The following ASTN2 variants were observed in gnomAD, a reference collection of about 807,000 sequenced individuals.
ASTN2 encodes the protein astrotactin 2.
Under a neutral mutation model 139.8 loss-of-function variants are expected in ASTN2, and 54 were observed. The observed-to-expected ratio is 0.39, with a 90% confidence interval of 0.31 to 0.48. The LOEUF is 0.48. Among genes scored for constraint, ASTN2 ranks in the 20% least tolerant of loss-of-function variants. The pLI, the probability that ASTN2 is intolerant of heterozygous loss-of-function variation, is 0.95. For missense variants in ASTN2, 1,565 were observed against 1,725.1 expected, an observed-to-expected ratio of 0.91 and a Z score of 1.64; for synonymous variants, 756 against 719.5, an observed-to-expected ratio of 1.05 and a Z score of -0.81.
intron 19 of ASTN2, chr9:116,568,908 C>G (rs537436790): frequency 6.6e-6 from 1 of 152,070 alleles, no homozygotes; most frequent in East Asian, 1.9e-4. Flanking sequence ...TCCAGTATTA[C>G]AAAAATATCC....
chr9:116,882,178 G>T (rs916619873), intron 10 of ASTN2, among the ~76,000 whole-genome samples: 4 of 152,124 alleles, frequency 2.6e-5, no homozygotes, highest in African/African-American at 9.7e-5. Flanking sequence ...ATACGAGTAA[G>T]CCATAGCTTC....
At chr9:116,567,047 T>C (rs1369605916) in intron 19 of ASTN2, among the ~76,000 whole-genome samples, 2 of 152,192 alleles carry the variant, frequency 1.3e-5, no homozygotes, top group African/African-American at 4.8e-5. Flanking sequence ...AATGTACATA[T>C]GAAGGAACCA....
At chr9:117,379,091 T>C (rs185308614) in intron 1 of ASTN2, among the ~76,000 whole-genome samples, 89 of 152,288 alleles carry the variant, frequency 5.8e-4, no homozygotes, top group African/African-American at 1.9e-3. Context: ...CTATATTTCC[T>C]GTAAAGCATG....
chr9:117,327,284 A>G (rs1385518316), intron 1 of ASTN2, among the ~76,000 whole-genome samples: 1 of 152,092 alleles, frequency 6.6e-6, no homozygotes, highest in Non-Finnish European at 1.5e-5. Flanking sequence ...GGGACTCCCA[A>G]CACCGACAAT....
intron 5 of ASTN2, among the ~76,000 whole-genome samples, chr9:117,083,930 T>G (rs1382710483): frequency 2.0e-5 from 3 of 151,876 alleles, no homozygotes; most frequent in African/African-American, 7.3e-5. Flanking sequence ...GGAGGGAGTT[T>G]TTATAGTTAG....
In ASTN2 at chr9:116,966,189, T is replaced by C. The variant is rs1173436506; in HGVS notation, c.1889+9019A>G. Among the ~76,000 whole-genome samples, 4 of 152,214 alleles carry C rather than the reference T, an allele frequency of 2.6e-5. No individual in the cohort carries two copies. In the South Asian group the frequency reaches 8.3e-4, roughly 32 times the overall value. On this transcript the variant is annotated intron_variant, in intron 10 of 22. Coordinates refer to ENST00000313400, the MANE Select transcript of ASTN2 (RefSeq NM_001365068.1). The stretch of plus-strand genomic sequence containing the variant: ...TAACTTCTAATGCAGATATAACAAC[T>C]CATTTCTCAGTTTCACTGTATCTGC...
chr9:116,954,917 C>T (rs1469090198), intron 10 of ASTN2, among the ~76,000 whole-genome samples: 1 of 152,146 alleles, frequency 6.6e-6, no homozygotes, highest in African/African-American at 2.4e-5. Context: ...GGAGGTGAGC[C>T]CAGCAATCTG....
intron 11 of ASTN2, among the ~76,000 whole-genome samples, chr9:116,823,085 C>T (rs557528293): frequency 6.6e-6 from 1 of 152,322 alleles, no homozygotes; most frequent in East Asian, 1.9e-4. Flanking sequence ...CCAGAAGGAG[C>T]ACCACCAGAA....
intron 1 of ASTN2, among the ~76,000 whole-genome samples, chr9:117,395,641 C>T (rs764250710): frequency 6.6e-6 from 1 of 152,156 alleles, no homozygotes; most frequent in African/African-American, 2.4e-5. Flanking sequence ...TAGCCTTCTC[C>T]CAGCCTTTGC....
intron 19 of ASTN2, chr9:116,552,140 C>G (rs1237923128): frequency 1.3e-5 from 2 of 152,186 alleles, no homozygotes; most frequent in Non-Finnish European, 2.9e-5. Flanking sequence ...TGGCACACAG[C>G]ACTCTCCTAA....
At chr9:117,120,755 C>T (rs1371339472) in intron 4 of ASTN2, among the ~76,000 whole-genome samples, 1 of 152,108 alleles carries the variant, frequency 6.6e-6, no homozygotes, top group Non-Finnish European at 1.5e-5. Flanking sequence ...TCCATTGCCA[C>T]CCAAGAGAGG....
At chr9:116,797,339 G>C (rs1830726421) in intron 13 of ASTN2, among the ~76,000 whole-genome samples, 1 of 152,130 alleles carries the variant, frequency 6.6e-6, no homozygotes, top group Non-Finnish European at 1.5e-5. Flanking sequence ...ACCCAACACT[G>C]GTCTTGATTC....
At chr9:117,157,361 A>T (rs13291665) in intron 3 of ASTN2, among the ~76,000 whole-genome samples, 31,364 of 151,972 alleles carry the variant, frequency 0.21, 3,473 homozygotes, top group Middle Eastern at 0.32. Flanking sequence ...CCAATCATCC[A>T]GGTGGCATTT....
chr9:117,392,145 C>T (rs566612450), intron 1 of ASTN2, among the ~76,000 whole-genome samples: 100 of 152,124 alleles, frequency 6.6e-4, no homozygotes, highest in African/African-American at 2.1e-3. Flanking sequence ...GAAGGCCTGA[C>T]GGGGGATTAA....
chr9:116,723,505 C>T (rs370560613), intron 16 of ASTN2, among the ~76,000 whole-genome samples: 6 of 152,148 alleles, frequency 3.9e-5, no homozygotes, highest in South Asian at 2.1e-4. Context: ...TTCTGCCCAC[C>T]GAGTTATCAG....
intron 1 of ASTN2, among the ~76,000 whole-genome samples, chr9:117,408,058 C>G (rs1462763624): frequency 1.3e-5 from 2 of 152,124 alleles, no homozygotes; most frequent in East Asian, 3.9e-4. Context: ...ACCCATCAGC[C>G]CAGGTGCTTA....
intron 20 of ASTN2, among the ~76,000 whole-genome samples, chr9:116,472,914 G>T (rs7040901): frequency 7.7e-6 from 1 of 130,528 alleles, no homozygotes; most frequent in Non-Finnish European, 1.6e-5. Flanking sequence ...GCAACAGAGC[G>T]AGACTCTGTC....
intron 1 of ASTN2, among the ~76,000 whole-genome samples, chr9:117,365,000 A>C (rs12376825): frequency 0.073 from 7,032 of 96,176 alleles, 267 homozygotes; most frequent in East Asian, 0.18. Flanking sequence ...CACACACACA[A>C]AATCAGCCAT....
At chr9:116,910,817 T>C (rs1834289662) in intron 10 of ASTN2, among the ~76,000 whole-genome samples, 1 of 152,198 alleles carries the variant, frequency 6.6e-6, no homozygotes, top group Non-Finnish European at 1.5e-5. Context: ...GGGAGGCTGT[T>C]GGAGTTTTGC....
Sources: allele counts gnomAD v4.1 joint callset (sites outside exome capture counted in the v4.1 genomes callset), GRCh38; gene constraint gnomAD v4.1.1; transcripts MANE v1.5; gene names NCBI Gene and HGNC (gene_info 2026-07-23, HGNC 2026-07-21).